ZRSR2: variants seen among roughly 807,000 people sequenced by gnomAD.
ZRSR2 encodes zinc finger CCCH-type, RNA binding motif and serine/arginine rich 2.
ZRSR2 carries 3 observed loss-of-function variants against 39.4 expected under a neutral mutation model. That is an observed-to-expected ratio of 0.08 (90% CI 0.03 to 0.20). ZRSR2 has a LOEUF of 0.20. Among genes scored for constraint, ZRSR2 ranks in the 10% least tolerant of loss-of-function variants. The pLI is 1.00. For synonymous variants in ZRSR2, 137 were observed against 136.0 expected, an observed-to-expected ratio of 1.01 and a Z score of -0.05; for missense variants, 256 against 391.5, an observed-to-expected ratio of 0.65 and a Z score of 2.92.
At position 15,815,699 on chromosome X, in the gene ZRSR2, C is replaced by T; in HGVS notation, c.580C>T (p.Pro194Ser). 8.3e-7 allele frequency: 1 copy of T among 1,204,007 alleles called. No individual in the cohort carries two copies. Among genetic ancestry groups the T allele is most frequent in the Non-Finnish European group, 1.1e-6 (1 of 890,868 alleles). Reference sequence around the variant, plus strand: ...CAGATGTTCACGTAAACATAATTTCCCAACATCCAGTCCTACCCTTCTTAT... The same window carrying T: ...CAGATGTTCACGTAAACATAATTTCTCAACATCCAGTCCTACCCTTCTTAT... The part of the protein sequence containing the change: ...GDRCSRKHNF[P>S]TSSPTLLIKS... Residue 194 changes from proline to serine, a missense_variant, in exon 8 of 11, where the codon CCA becomes TCA. Around this residue, in one of 3 missense-constraint regions of ZRSR2, gnomAD observed 58 missense variants for 163.1 expected, o/e 0.36. Coordinates refer to ENST00000307771, the MANE Select transcript of ZRSR2 (RefSeq NM_005089.4).
chrX:15,820,159 A>G (rs750196555), intron 9 of ZRSR2, 48 bp from the exon 10 acceptor site: 6 of 1,022,748 alleles, frequency 5.9e-6, no homozygotes, highest in Non-Finnish European at 8.3e-6. Flanking sequence ...GCTAATCTAC[A>G]TATTAGGAAG....
chrX:15,791,092 AGAAG>A (rs1311862500), intron 2 of ZRSR2, 79 bp downstream of exon 2: 17 of 910,288 alleles, frequency 1.9e-5, no homozygotes, highest in Non-Finnish European at 2.2e-5. Flanking sequence ...CCCCAGTGTC[AGAAG>A]GAAGTCAAAT....
intron 2 of ZRSR2, among the ~76,000 whole-genome samples, chrX:15,794,051 A>T (rs889063459): frequency 1.8e-5 from 2 of 112,309 alleles, no homozygotes; most frequent in African/African-American, 6.5e-5. Context: ...AGAAATTAAG[A>T]TATTAAAAGC....
At chrX:15,795,097 C>G (rs1932407646) in intron 2 of ZRSR2, among the ~76,000 whole-genome samples, 2 of 88,069 alleles carry the variant, frequency 2.3e-5, no homozygotes, top group African/African-American at 8.3e-5. Context: ...TTCCCCCCCC[C>G]CCATATTTAC....
intron 2 of ZRSR2, among the ~76,000 whole-genome samples, chrX:15,791,653 C>CTTTTTTTT (rs144343422): frequency 1.6e-4 from 10 of 60,854 alleles, no homozygotes; most frequent in Admixed American, 2.3e-4. Context: ...CTTTTCTTTT[C>CTTTTTTTT]TTTTTTTTTT....
intron 2 of ZRSR2, among the ~76,000 whole-genome samples, chrX:15,796,097 C>T (rs983279112): frequency 1.4e-4 from 15 of 108,997 alleles, no homozygotes; most frequent in Non-Finnish European, 2.5e-4. Flanking sequence ...GGCATGAACT[C>T]GGCTCACTGC....
intron 7 of ZRSR2, among the ~76,000 whole-genome samples, chrX:15,810,837 T>C (rs1421422718): frequency 1.9e-5 from 2 of 104,036 alleles, no homozygotes; most frequent in Non-Finnish European, 3.9e-5. Context: ...GGCAACATGG[T>C]AAAACCTGGT....
chrX:15,807,147 G>A (rs1932798956), intron 5 of ZRSR2, among the ~76,000 whole-genome samples: 1 of 111,928 alleles, frequency 8.9e-6, no homozygotes, highest in Non-Finnish European at 1.9e-5. Flanking sequence ...AAATTTACTG[G>A]CATATTGCAG....
chrX:15,818,729 A>G (rs1933031455), intron 9 of ZRSR2, 87 bp downstream of exon 9: 2 of 706,925 alleles, frequency 2.8e-6, no homozygotes, highest in Non-Finnish European at 4.2e-6. Context: ...TCCACTGGAT[A>G]TATAACTTTC....
chrX:15,823,055 G>C lies in ZRSR2; in HGVS notation c.1262G>C (p.Arg421Pro). Reference sequence around the variant, plus strand: ...AAGAGTCGGGAGAGGCACAATTCACGAAGCAGAGGAAGAAATAGGGACCGC... The same window carrying C: ...AAGAGTCGGGAGAGGCACAATTCACCAAGCAGAGGAAGAAATAGGGACCGC... ...TSKSRERHNS[R>P]SRGRNRDRSR... The change falls in exon 11 of 11, where the codon CGA becomes CCA. Residue 421 changes from arginine (R) to proline (P), a missense_variant. Physicochemically the swap from Arg to Pro is moderately radical, Grantham distance 103. This residue lies in a region of ZRSR2 where 111 missense variants were observed against 116.7 expected (regional missense o/e 0.95). Coordinates refer to ENST00000307771, the MANE Select transcript of ZRSR2 (RefSeq NM_005089.4). The C allele has an allele frequency of 8.3e-7, 1 of 1,211,527 alleles. No individual in the cohort carries two copies. The highest frequency in any genetic ancestry group is 1.1e-6 in the Non-Finnish European group (1 of 895,279).
At position 15,804,112 on chromosome X, in the gene ZRSR2, G is replaced by T. The variant is rs1932755043; in HGVS notation, c.314G>T (p.Arg105Ile). Reference sequence around the variant, plus strand: ...GTTACTTTTTCTTCCCCTTTAAAGAGAAAGTTAAAGGAACAATGGGAAGAA... The same window carrying T: ...GTTACTTTTTCTTCCCCTTTAAAGATAAAGTTAAAGGAACAATGGGAAGAA... ...AAKKRQEEQE[R>I]KLKEQWEEQQ... The change falls in exon 5 of 11, where the codon AGA becomes ATA. Residue 105 changes from arginine to isoleucine, a missense_variant and splice_region_variant. Coordinates refer to ENST00000307771, the MANE Select transcript of ZRSR2 (RefSeq NM_005089.4). 8.5e-7 allele frequency: 1 copy of T among 1,179,966 alleles called. No homozygotes were observed. Among genetic ancestry groups the T allele is most frequent in the Non-Finnish European group, 1.1e-6 (1 of 884,769 alleles).
rs758958679 is a variant in ZRSR2, at chrX:15,822,906, C to T, written c.1113C>T (p.Asp371=). 2.5e-6 allele frequency: 3 copies of T among 1,212,273 alleles called. No homozygotes were observed. The highest frequency in any genetic ancestry group is 2.2e-6 in the Non-Finnish European group (2 of 895,649). ...SERRERMGHH[D]DYYSRLRGRR... Reference sequence around the variant, plus strand: ...GGAGGGAGAGGATGGGCCACCACGACGACTACTACAGCAGGCTGCGGGGAA... The same window carrying T: ...GGAGGGAGAGGATGGGCCACCACGATGACTACTACAGCAGGCTGCGGGGAA... Residue 371 remains aspartate, a synonymous_variant, in exon 11 of 11, where the codon GAC becomes GAT. Coordinates refer to ENST00000307771, the MANE Select transcript of ZRSR2 (RefSeq NM_005089.4).
At chrX:15,814,076 C>CAAA (rs11426665) in intron 7 of ZRSR2, among the ~76,000 whole-genome samples, 1 of 70,532 alleles carries the variant, frequency 1.4e-5, no homozygotes, top group African/African-American at 5.4e-5. Context: ...CTCCCCTCGC[C>CAAA]AAAAAAAAAA....
intron 2 of ZRSR2, among the ~76,000 whole-genome samples, chrX:15,797,980 C>A (rs185874908): frequency 2.7e-5 from 3 of 112,216 alleles, no homozygotes; most frequent in African/African-American, 9.7e-5. Context: ...GCCATATCCT[C>A]TGTGCCAGGT....
intron 7 of ZRSR2, among the ~76,000 whole-genome samples, chrX:15,813,680 T>C (rs968423058): frequency 1.8e-5 from 2 of 112,088 alleles, no homozygotes; most frequent in Non-Finnish European, 1.9e-5. Flanking sequence ...TTTAACCTCA[T>C]TAAATTAGTT....
intron 7 of ZRSR2, among the ~76,000 whole-genome samples, chrX:15,814,942 C>T (rs765615204): frequency 7.1e-5 from 8 of 112,166 alleles, no homozygotes; most frequent in East Asian, 2.8e-4. Flanking sequence ...AGTCCACTGA[C>T]GATTGTACAG....
intron 2 of ZRSR2, among the ~76,000 whole-genome samples, chrX:15,793,252 AATC>A (rs1932340358): frequency 9.0e-6 from 1 of 111,374 alleles, no homozygotes; most frequent in African/African-American, 3.3e-5. Context: ...TCCTGCACTA[AATC>A]CTATAACAGC....
chrX:15,815,178 T>TA (rs750524635), intron 7 of ZRSR2, among the ~76,000 whole-genome samples: 1 of 112,856 alleles, frequency 8.9e-6, no homozygotes, highest in Non-Finnish European at 1.9e-5. Flanking sequence ...TTTCAACACT[T>TA]AAAAAAATCC....
chrX:15,806,922 T>G (rs1932793221), intron 5 of ZRSR2, among the ~76,000 whole-genome samples: 1 of 111,309 alleles, frequency 9.0e-6, no homozygotes, highest in South Asian at 3.7e-4. Context: ...ATTTTTAGGT[T>G]TTTAGTTTGA....
Sources: gnomAD v4.1 joint callset for allele counts (sites outside exome capture counted in the v4.1 genomes callset) on GRCh38, gnomAD v4.1.1 for gene constraint, gnomAD v4.1.1 regional missense constraint, MANE v1.5 for transcripts, NCBI Gene and HGNC (gene_info 2026-07-23, HGNC 2026-07-21) for gene names.